The following DNAI1 variants were observed in gnomAD, a reference collection of about 807,000 sequenced individuals.
DNAI1 encodes dynein, axonemal, intermediate polypeptide 1.
A neutral mutation model predicts 92.0 loss-of-function variants in DNAI1; 67 were observed. That is an observed-to-expected ratio of 0.73 (90% CI 0.60 to 0.89). The LOEUF (loss-of-function observed/expected upper bound fraction) is 0.89, where lower values mean the gene tolerates loss of function less well. Among genes scored for constraint, DNAI1 ranks in the 40% least tolerant of loss-of-function variants. The probability of loss-of-function intolerance (pLI) is 0.00; values close to 1 mark genes in which losing one functional copy is unlikely to be tolerated. For missense variants in DNAI1, 839 were observed against 866.6 expected (o/e 0.97, Z 0.40); for synonymous variants, 323 against 319.6 (o/e 1.01, Z -0.11).
intron 2 of DNAI1, among the ~76,000 whole-genome samples, chr9:34,483,684 C>T (rs559977081): frequency 8.5e-5 from 13 of 152,074 alleles, no homozygotes; most frequent in African/African-American, 3.1e-4. Context: ...TATAAAATTA[C>T]ATGTATTTAT....
At chr9:34,497,392 A>G (rs1824748272) in intron 10 of DNAI1, among the ~76,000 whole-genome samples, 193 bp downstream of exon 10, 1 of 152,224 alleles carries the variant, frequency 6.6e-6, no homozygotes, top group Non-Finnish European at 1.5e-5. Context: ...ATAAGAAACA[A>G]TGTGTATACT....
At chr9:34,473,218 TATC>T (rs1388744866) in intron 1 of DNAI1, among the ~76,000 whole-genome samples, 1 of 151,520 alleles carries the variant, frequency 6.6e-6, no homozygotes, top group Non-Finnish European at 1.5e-5. Flanking sequence ...ATTGTATATT[TATC>T]ATGTAAAACA....
At chr9:34,517,251 A>T in intron 18 of DNAI1, 34 bp from the exon 19 acceptor site, 5 of 1,606,798 alleles carry the variant, frequency 3.1e-6, no homozygotes, top group Non-Finnish European at 3.4e-6. Flanking sequence ...AGGCCTCATT[A>T]CCCCTGAGTG....
intron 8 of DNAI1, among the ~76,000 whole-genome samples, chr9:34,492,335 T>A (rs906157082): frequency 1.3e-5 from 2 of 151,748 alleles, no homozygotes; most frequent in South Asian, 4.2e-4. Context: ...CTTCCTCTGC[T>A]ACTATCCTTG....
chr9:34,472,318 CT>C (rs1824152855), intron 1 of DNAI1, among the ~76,000 whole-genome samples: 1 of 152,210 alleles, frequency 6.6e-6, no homozygotes, highest in South Asian at 2.1e-4. Context: ...TGCTCAACGT[CT>C]TACATATAAT....
chr9:34,481,101 C>T (rs1379544810), intron 1 of DNAI1, among the ~76,000 whole-genome samples: 1 of 151,810 alleles, frequency 6.6e-6, no homozygotes. Flanking sequence ...ATTAGCCGGG[C>T]GTGGTGGCAG....
intron 9 of DNAI1, among the ~76,000 whole-genome samples, chr9:34,496,825 G>C (rs1333634774): frequency 6.6e-6 from 1 of 152,186 alleles, no homozygotes; most frequent in East Asian, 1.9e-4. Flanking sequence ...TGTGCTCAGA[G>C]ATAGGCCTTC....
intron 1 of DNAI1, among the ~76,000 whole-genome samples, chr9:34,477,924 C>CTTT (rs74180566): frequency 1.6e-4 from 8 of 49,004 alleles, no homozygotes; most frequent in Non-Finnish European, 2.0e-4. Context: ...CTCTCTCTCT[C>CTTT]TTTTTTTTTT....
chr9:34,494,810 C>A (rs1824683758), intron 9 of DNAI1, among the ~76,000 whole-genome samples: 1 of 152,176 alleles, frequency 6.6e-6, no homozygotes. Flanking sequence ...AGGCAGGACA[C>A]CCTCCCCCAG....
At chr9:34,500,982 C>A in intron 11 of DNAI1, 143 bp downstream of exon 11, 1 of 966,984 alleles carries the variant, frequency 1.0e-6, no homozygotes, top group Non-Finnish European at 1.7e-6. Flanking sequence ...CTTATGGGAT[C>A]ACAAGACCAC....
intron 1 of DNAI1, among the ~76,000 whole-genome samples, chr9:34,474,417 T>C (rs1258235216): frequency 1.3e-5 from 2 of 151,784 alleles, no homozygotes; most frequent in East Asian, 1.9e-4. Context: ...TTTATTTTTT[T>C]GTAGAGATGA....
intron 1 of DNAI1, among the ~76,000 whole-genome samples, chr9:34,476,033 T>C (rs1348696958): frequency 6.6e-6 from 1 of 152,196 alleles, no homozygotes. Flanking sequence ...GTTTTCAATG[T>C]ATCCTTCCAT....
Position 34,491,492 on chromosome 9 carries a change from T to C in DNAI1, c.622-3T>C. 1 of 1,614,202 alleles carries C rather than the reference T, an allele frequency of 6.2e-7. No individual in the cohort carries two copies. Among genetic ancestry groups the C allele is most frequent in the Non-Finnish European group, 8.5e-7 (1 of 1,180,030 alleles). On this transcript the variant is annotated splice_region_variant and splice_polypyrimidine_tract_variant and intron_variant, in intron 7 of 19. Transcript: ENST00000242317. Reference sequence around the variant, plus strand: ...GTGGGTCTCCTGTTGTCTTGTTCTTTAGGATCGAGAATGCCAGACGGAGCC... The same window carrying C: ...GTGGGTCTCCTGTTGTCTTGTTCTTCAGGATCGAGAATGCCAGACGGAGCC...
chr9:34,488,989 C>T (rs1033664955), intron 4 of DNAI1, among the ~76,000 whole-genome samples: 1 of 152,118 alleles, frequency 6.6e-6, no homozygotes, highest in African/African-American at 2.4e-5. Context: ...TGTGGTATGG[C>T]AAGTGAACTT....
chr9:34,464,232 CT>C (rs1823997579), intron 1 of DNAI1, among the ~76,000 whole-genome samples: 2 of 152,100 alleles, frequency 1.3e-5, no homozygotes, highest in Admixed American at 1.3e-4. Flanking sequence ...GAAAAGTGAT[CT>C]TTTCAAACTG....
intron 7 of DNAI1, 101 bp downstream of exon 7, chr9:34,490,589 GGT>G: frequency 6.6e-7 from 1 of 1,524,566 alleles, no homozygotes; most frequent in African/African-American, 1.4e-5. Flanking sequence ...GCCTGGCAGG[GGT>G]GACAGGACAA....
intron 9 of DNAI1, 108 bp from the exon 10 acceptor site, chr9:34,497,007 A>C: frequency 3.6e-6 from 3 of 840,878 alleles, no homozygotes; most frequent in South Asian, 1.3e-5. Flanking sequence ...TGGGGTGAGT[A>C]GTGCCAGAGA....
At chr9:34,518,420 A>G (rs970065401) in intron 19 of DNAI1, among the ~76,000 whole-genome samples, 1 of 151,908 alleles carries the variant, frequency 6.6e-6, no homozygotes, top group Non-Finnish European at 1.5e-5. Flanking sequence ...AAGGGCTGGG[A>G]GTGTGGCTGG....
intron 1 of DNAI1, among the ~76,000 whole-genome samples, chr9:34,477,213 G>T (rs1378473437): frequency 1.3e-5 from 2 of 152,076 alleles, no homozygotes; most frequent in African/African-American, 4.8e-5. Flanking sequence ...GAGATGGGGT[G>T]TGGCTTCGTT....
Sources: gnomAD v4.1 joint callset for allele counts (sites outside exome capture counted in the v4.1 genomes callset) on GRCh38, gnomAD v4.1.1 for gene constraint, MANE v1.5 for transcripts, NCBI Gene and HGNC (gene_info 2026-07-23, HGNC 2026-07-21) for gene names.